Variants in EYS observed in about 807,000 individuals in gnomAD.
The protein encoded by EYS is EGF-like photoreceptor maintenance factor.
In EYS, 250 loss-of-function variants were observed where a neutral mutation model predicts 282.1. The ratio of observed to expected loss-of-function variants is 0.89; its 90% CI spans 0.80 to 0.98. The LOEUF (loss-of-function observed/expected upper bound fraction) is 0.98. Among genes scored for constraint, EYS ranks in the 50% least tolerant of loss-of-function variants. The pLI is 0.00. For missense variants in EYS, 4,016 were observed against 3,709.0 expected, an observed-to-expected ratio of 1.08 and a Z score of -2.15; for synonymous variants, 1,355 against 1,282.9, an observed-to-expected ratio of 1.06 and a Z score of -1.20.
rs977447880 is a variant in EYS, at chr6:64,366,174, A to C, written c.6078+22516T>G. Among the ~76,000 whole-genome samples, 2 of 152,100 alleles carry C rather than the reference A, an allele frequency of 1.3e-5. 1 individual carries two copies. Among genetic ancestry groups the C allele is most frequent in the Non-Finnish European group, 2.9e-5 (2 of 67,944 alleles). On this transcript the variant is annotated intron_variant, in intron 29 of 42. Transcript: ENST00000503581. ...AAGTGAAGTTTTCTTTCCCGTTAATATTGGTTGACTCAGTGACAGCATTAT... is the reference window on the plus strand; with the variant it reads ...AAGTGAAGTTTTCTTTCCCGTTAATCTTGGTTGACTCAGTGACAGCATTAT...
chr6:64,394,480 A>T (rs183812303), intron 28 of EYS, among the ~76,000 whole-genome samples: 1 of 152,304 alleles, frequency 6.6e-6, no homozygotes, highest in African/African-American at 2.4e-5. Flanking sequence ...AACGCCGCAT[A>T]TCTACAACTA....
chr6:64,659,451 G>GT (rs1204681027), intron 22 of EYS, among the ~76,000 whole-genome samples: 1 of 151,914 alleles, frequency 6.6e-6, no homozygotes, highest in African/African-American at 2.4e-5. Flanking sequence ...CCAGGAGCTG[G>GT]TTTTTTGAAA....
rs909053956 is a variant in EYS, at chr6:65,188,069, CTG to C, written c.2023+107792_2023+107793del. 5.3e-5 allele frequency among the ~76,000 whole-genome samples: 8 copies of C among 151,606 alleles called. No individual in the cohort carries two copies. In the East Asian group the frequency reaches 1.4e-3, roughly 26 times the overall value. On this transcript the variant is annotated intron_variant, in intron 12 of 42. Transcript: ENST00000503581. ...GCTTTCAAGTCTCTTTTTAAAATAA[CTG>C]TTTTTACTATTCAAAAAATAAATCA...
chr6:64,074,691 G>T (rs1442846477), intron 32 of EYS, among the ~76,000 whole-genome samples: 2 of 151,746 alleles, frequency 1.3e-5, no homozygotes, highest in Middle Eastern at 3.2e-3. Context: ...TATAAGTGCA[G>T]ATAAAGCACT....
At chr6:64,960,407 T>C (rs1769871508) in intron 14 of EYS, among the ~76,000 whole-genome samples, 1 of 152,162 alleles carries the variant, frequency 6.6e-6, no homozygotes, top group South Asian at 2.1e-4. Context: ...CCTTTTTAAA[T>C]TGCTGTCAAT....
chr6:64,968,228 A>G (rs1022007673), intron 14 of EYS, among the ~76,000 whole-genome samples: 1 of 152,230 alleles, frequency 6.6e-6, no homozygotes, highest in Non-Finnish European at 1.5e-5. Flanking sequence ...AAAAAAATGT[A>G]TATAAAACAC....
intron 15 of EYS, among the ~76,000 whole-genome samples, chr6:64,933,713 C>A (rs1768806506): frequency 6.6e-6 from 1 of 152,174 alleles, no homozygotes; most frequent in South Asian, 2.1e-4. Context: ...GTTCACAAAG[C>A]AAAGACTTGG....
chr6:64,709,259 A>T (rs542864882), intron 22 of EYS, among the ~76,000 whole-genome samples: 1 of 152,246 alleles, frequency 6.6e-6, no homozygotes, highest in East Asian at 1.9e-4. Flanking sequence ...TACAATTGTG[A>T]TACATCATTA....
intron 19 of EYS, among the ~76,000 whole-genome samples, chr6:64,875,506 A>G (rs1766721061): frequency 6.6e-6 from 1 of 152,102 alleles, no homozygotes; most frequent in Admixed American, 6.6e-5. Flanking sequence ...AACTCACCTC[A>G]TAATGAAAGT....
At chr6:65,202,631 G>A (rs1168518529) in intron 12 of EYS, among the ~76,000 whole-genome samples, 1 of 152,198 alleles carries the variant, frequency 6.6e-6, no homozygotes, top group Non-Finnish European at 1.5e-5. Flanking sequence ...GTATGGTGAT[G>A]AGGAAGCTGG....
chr6:64,777,028 A>T (rs1773701217), intron 22 of EYS, among the ~76,000 whole-genome samples: 1 of 152,180 alleles, frequency 6.6e-6, no homozygotes, highest in Non-Finnish European at 1.5e-5. Context: ...ACAGGAGAGC[A>T]GGAGAGAGAA....
chr6:64,326,509 G>A (rs746738410), intron 29 of EYS, among the ~76,000 whole-genome samples: 3 of 152,112 alleles, frequency 2.0e-5, no homozygotes, highest in Admixed American at 2.0e-4. Flanking sequence ...TTTGTTTGGG[G>A]CTCAGACTTT....
At chr6:65,283,222 T>C (rs915808667) in intron 12 of EYS, among the ~76,000 whole-genome samples, 1 of 152,012 alleles carries the variant, frequency 6.6e-6, no homozygotes, top group Non-Finnish European at 1.5e-5. Context: ...AGTGTTCTAC[T>C]TGATCTTTTT....
At chr6:64,407,617 T>C (rs1048837010) in intron 28 of EYS, among the ~76,000 whole-genome samples, 11 of 152,164 alleles carry the variant, frequency 7.2e-5, no homozygotes, top group Non-Finnish European at 4.4e-5. Context: ...AAATATAAAT[T>C]GTTTTCAAGG....
intron 22 of EYS, among the ~76,000 whole-genome samples, chr6:64,682,004 A>G (rs778560195): frequency 2.0e-5 from 3 of 152,196 alleles, no homozygotes; most frequent in Non-Finnish European, 4.4e-5. Context: ...GAAATGATAG[A>G]ACACAGATAA....
At chr6:64,120,357 T>C (rs1582297641) in intron 31 of EYS, among the ~76,000 whole-genome samples, 1 of 76,774 alleles carries the variant, frequency 1.3e-5, no homozygotes, top group South Asian at 5.2e-4. Flanking sequence ...CTCCATCTCT[T>C]AAAAAAAAAA....
intron 13 of EYS, among the ~76,000 whole-genome samples, chr6:65,030,334 C>G (rs1001181434): frequency 5.3e-5 from 8 of 152,190 alleles, no homozygotes; most frequent in African/African-American, 1.9e-4. Context: ...CAGACCCTCC[C>G]TAACCATCAG....
At chr6:65,519,976 T>C (rs1206436211) in intron 2 of EYS, among the ~76,000 whole-genome samples, 1 of 150,728 alleles carries the variant, frequency 6.6e-6, no homozygotes, top group Non-Finnish European at 1.5e-5. Flanking sequence ...TTTCACTCTT[T>C]ATAGATTAAT....
At chr6:65,430,852 C>G (rs1347486531) in intron 5 of EYS, among the ~76,000 whole-genome samples, 1 of 152,118 alleles carries the variant, frequency 6.6e-6, no homozygotes, top group East Asian at 1.9e-4. Context: ...AACTGAAGAG[C>G]CCTTGCGTCC....
Sources: gnomAD v4.1 joint callset for allele counts (sites outside exome capture counted in the v4.1 genomes callset) on GRCh38, gnomAD v4.1.1 for gene constraint, MANE v1.5 for transcripts, NCBI Gene and HGNC (gene_info 2026-07-23, HGNC 2026-07-21) for gene names.